Variants in LURAP1L observed in about 807,000 individuals in gnomAD.
The protein encoded by LURAP1L is leucine rich adaptor protein 1 like.
LURAP1L carries 12 observed loss-of-function variants against 13.8 expected under a neutral mutation model. That is an observed-to-expected ratio of 0.87 (90% CI 0.56 to 1.41). The LOEUF (loss-of-function observed/expected upper bound fraction) is 1.41. LURAP1L is among the 40% of genes most tolerant of loss of function. LURAP1L has a pLI of 0.00. For synonymous variants in LURAP1L, 139 were observed against 119.2 expected, an observed-to-expected ratio of 1.17 and a Z score of -1.08; for missense variants, 375 against 292.9, an observed-to-expected ratio of 1.28 and a Z score of -2.04.
Position 12,786,547 on chromosome 9 carries a change from CATATATATATATATATAT to C in LURAP1L, c.312+10538_312+10555del, listed in dbSNP as rs67654649. Among the ~76,000 whole-genome samples the C allele has an allele frequency of 2.3e-3, 120 of 53,030 alleles. 5 individuals carry two copies. The highest frequency in any genetic ancestry group is 0.013 in the Middle Eastern group (1 of 76). 34.8% of individuals were successfully genotyped at this position (53,030 alleles called of 152,430 possible). A position where few individuals can be genotyped will look rare whatever the true frequency, so the allele number is the denominator to read the frequency against. ...AAATGGCTAACATGTATATATATGACATATATATATATATATATATATATATATATATATAAACCCTTG... is the reference window on the plus strand; with the variant it reads ...AAATGGCTAACATGTATATATATGACATATATATATATATATAAACCCTTG... On this transcript the variant is annotated intron_variant, in intron 1 of 1. Transcript: ENST00000319264.
rs577160285 is a variant in LURAP1L, at chr9:12,776,156, C to G, written c.312+129C>G. The G allele has an allele frequency of 5.2e-6, 5 of 954,748 alleles. No individual in the cohort carries two copies. In the East Asian group the frequency reaches 1.3e-4, roughly 25 times the overall value. 59.1% of individuals were successfully genotyped at this position (954,748 alleles called of 1,614,324 possible). On this transcript the variant is annotated intron_variant, in intron 1 of 1. Transcript: ENST00000319264. ...CGGAGCGCTGGGCGCGTGGGAAATG[C>G]TGGGTGGAGGAATGAGCAGGGGGCG...
At chr9:12,809,397 A>T (rs1167739239) in intron 1 of LURAP1L, among the ~76,000 whole-genome samples, 9 of 152,232 alleles carry the variant, frequency 5.9e-5, no homozygotes, top group East Asian at 3.9e-4. Context: ...TTCCTCAGCT[A>T]TGTCCAATCT....
intron 1 of LURAP1L, among the ~76,000 whole-genome samples, chr9:12,792,167 G>C (rs1341394344): frequency 6.6e-6 from 1 of 152,050 alleles, no homozygotes; most frequent in Non-Finnish European, 1.5e-5. Context: ...ATAGTAGCTG[G>C]GAGGTTTGGG....
intron 1 of LURAP1L, among the ~76,000 whole-genome samples, chr9:12,801,741 A>C (rs185905395): frequency 6.6e-6 from 1 of 152,346 alleles, no homozygotes; most frequent in Non-Finnish European, 1.5e-5. Context: ...AGGGAAATTT[A>C]AGAATGTTCC....
chr9:12,818,473 G>A (rs1819832159), intron 1 of LURAP1L, among the ~76,000 whole-genome samples: 1 of 152,146 alleles, frequency 6.6e-6, no homozygotes, highest in East Asian at 1.9e-4. Context: ...CTTAAGATAA[G>A]GAAGAAATGT....
chr9:12,802,046 T>C (rs1404753162), intron 1 of LURAP1L, among the ~76,000 whole-genome samples: 1 of 152,178 alleles, frequency 6.6e-6, no homozygotes, highest in Non-Finnish European at 1.5e-5. Flanking sequence ...AGAGTTAGCC[T>C]CCATTCCAGA....
At chr9:12,787,585 T>C (rs533274870) in intron 1 of LURAP1L, among the ~76,000 whole-genome samples, 1 of 152,300 alleles carries the variant, frequency 6.6e-6, no homozygotes, top group Admixed American at 6.5e-5. Context: ...TCCTAGCCAG[T>C]TGATCATCAA....
intron 1 of LURAP1L, among the ~76,000 whole-genome samples, chr9:12,808,679 A>G (rs546910135): frequency 2.0e-5 from 3 of 152,308 alleles, no homozygotes; most frequent in Non-Finnish European, 2.9e-5. Flanking sequence ...ATTCGAATAT[A>G]ATATGCCTAG....
At chr9:12,803,676 T>A (rs1402271787) in intron 1 of LURAP1L, among the ~76,000 whole-genome samples, 1 of 152,154 alleles carries the variant, frequency 6.6e-6, no homozygotes, top group African/African-American at 2.4e-5. Flanking sequence ...AATACTAAAT[T>A]AGAAAAGGAA....
Position 12,821,421 on chromosome 9 carries a change from C to T in LURAP1L, c.348C>T (p.Arg116=), listed in dbSNP as rs141118893. 1.2e-6 allele frequency: 2 copies of T among 1,613,952 alleles called. No homozygotes were observed. The highest frequency in any genetic ancestry group is 1.7e-5 in the Admixed American group (1 of 59,990). Residue 116 remains arginine, a synonymous_variant, in exon 2 of 2, where the codon CGC becomes CGT. Transcript: ENST00000319264. ...NLRATDVRLM[R]QLLVINESIE... ...GAGCCACAGACGTCAGGCTCATGCG[C>T]CAGTTGCTTGTAATCAATGAGAGCA...
At chr9:12,815,343 A>C (rs1490692715) in intron 1 of LURAP1L, among the ~76,000 whole-genome samples, 1 of 152,210 alleles carries the variant, frequency 6.6e-6, no homozygotes, top group African/African-American at 2.4e-5. Context: ...CAGTTTATAT[A>C]GACTTTTAAA....
intron 1 of LURAP1L, among the ~76,000 whole-genome samples, chr9:12,820,535 C>A (rs974727431): frequency 7.8e-6 from 1 of 128,446 alleles, no homozygotes; most frequent in African/African-American, 2.9e-5. Context: ...AAGGACCACA[C>A]ACCTAGAAGG....
At chr9:12,790,001 A>G (rs1371797850) in intron 1 of LURAP1L, among the ~76,000 whole-genome samples, 2 of 152,212 alleles carry the variant, frequency 1.3e-5, no homozygotes, top group Non-Finnish European at 2.9e-5. Flanking sequence ...GTATAACTTA[A>G]TTTTATCACT....
chr9:12,813,355 C>T (rs1367226569), intron 1 of LURAP1L, among the ~76,000 whole-genome samples: 3 of 152,080 alleles, frequency 2.0e-5, no homozygotes. Flanking sequence ...ATTTTACTTT[C>T]ATGATTTTTT....
At chr9:12,780,441 C>A (rs1308870367) in intron 1 of LURAP1L, among the ~76,000 whole-genome samples, 1 of 152,120 alleles carries the variant, frequency 6.6e-6, no homozygotes, top group African/African-American at 2.4e-5. Context: ...TATTCATTTT[C>A]TTAAAAAGGG....
At chr9:12,780,738 T>C (rs10809844) in intron 1 of LURAP1L, among the ~76,000 whole-genome samples, 122,151 of 151,510 alleles carry the variant, frequency 0.81, 50,350 homozygotes, top group Non-Finnish European at 0.91. Flanking sequence ...AAATATTGTT[T>C]CTTTTTTTTA....
chr9:12,788,330 G>A (rs1229027492), intron 1 of LURAP1L, among the ~76,000 whole-genome samples: 1 of 151,806 alleles, frequency 6.6e-6, no homozygotes, highest in African/African-American at 2.4e-5. Flanking sequence ...GAGATAAATG[G>A]GCACTCTTCT....
chr9:12,788,304 T>C (rs1444199469), intron 1 of LURAP1L, among the ~76,000 whole-genome samples: 1 of 152,166 alleles, frequency 6.6e-6, no homozygotes, highest in Non-Finnish European at 1.5e-5. Context: ...GATGATGCCT[T>C]GCCTTGGCAA....
At chr9:12,790,428 A>G (rs910158629) in intron 1 of LURAP1L, among the ~76,000 whole-genome samples, 2 of 152,152 alleles carry the variant, frequency 1.3e-5, no homozygotes. Flanking sequence ...GGACTACACT[A>G]GCAACATTTG....
Sources: gnomAD v4.1 joint callset for allele counts (sites outside exome capture counted in the v4.1 genomes callset) on GRCh38, gnomAD v4.1.1 for gene constraint, MANE v1.5 for transcripts, NCBI Gene and HGNC (gene_info 2026-07-23, HGNC 2026-07-21) for gene names.